EPHA5: variants seen among roughly 807,000 people sequenced by gnomAD.
EPHA5 encodes ephrin type-A receptor 5.
Under a neutral mutation model 105.0 loss-of-function variants are expected in EPHA5, and 60 were observed. The ratio of observed to expected loss-of-function variants is 0.57; its 90% confidence interval spans 0.46 to 0.71. The LOEUF (loss-of-function observed/expected upper bound fraction) is 0.71, where lower values mean the gene tolerates loss of function less well. EPHA5 is among the 30% of genes least tolerant of loss of function. The pLI is 0.00. For synonymous variants in EPHA5, 513 were observed against 449.1 expected (o/e 1.14, Z -1.80); for missense variants, 1,218 against 1,274.7 (o/e 0.96, Z 0.68).
At chr4:65,648,140 C>G (rs889699702) in intron 1 of EPHA5, among the ~76,000 whole-genome samples, 1 of 152,122 alleles carries the variant, frequency 6.6e-6, no homozygotes, top group Non-Finnish European at 1.5e-5. Flanking sequence ...GAGCAAAGAG[C>G]AAATAAATAA....
chr4:65,551,284 A>G (rs35935094), intron 3 of EPHA5, among the ~76,000 whole-genome samples: 41,846 of 94,656 alleles, frequency 0.44, 6,294 homozygotes, highest in African/African-American at 0.53. Flanking sequence ...GTGTGTGTAT[A>G]TATATATATA....
chr4:65,556,185 A>C (rs1475750663), intron 3 of EPHA5, among the ~76,000 whole-genome samples: 1 of 152,180 alleles, frequency 6.6e-6, no homozygotes, highest in Non-Finnish European at 1.5e-5. Flanking sequence ...GCATAAAGCC[A>C]ATTGGATGGT....
At chr4:65,435,964 AT>A (rs1215081901) in intron 5 of EPHA5, among the ~76,000 whole-genome samples, 1 of 152,060 alleles carries the variant, frequency 6.6e-6, no homozygotes, top group East Asian at 1.9e-4. Flanking sequence ...GATTTTAAGC[AT>A]TTATTATAAT....
At chr4:65,558,617 T>C (rs1285219194) in intron 3 of EPHA5, among the ~76,000 whole-genome samples, 1 of 152,136 alleles carries the variant, frequency 6.6e-6, no homozygotes, top group Non-Finnish European at 1.5e-5. Flanking sequence ...TATGTATACA[T>C]GTGTCATGTT....
At chr4:65,537,205 T>G (rs1445275287) in intron 3 of EPHA5, among the ~76,000 whole-genome samples, 1 of 151,826 alleles carries the variant, frequency 6.6e-6, no homozygotes, top group African/African-American at 2.4e-5. Flanking sequence ...TCCAATAGAT[T>G]CTTTGTAACT....
intron 3 of EPHA5, among the ~76,000 whole-genome samples, chr4:65,522,884 T>G (rs1300490862): frequency 6.6e-6 from 1 of 151,968 alleles, no homozygotes; most frequent in Non-Finnish European, 1.5e-5. Context: ...TATTACACGT[T>G]TTATTTTAAA....
At chr4:65,583,740 T>C (rs1021026172) in intron 3 of EPHA5, among the ~76,000 whole-genome samples, 1 of 151,728 alleles carries the variant, frequency 6.6e-6, no homozygotes, top group Non-Finnish European at 1.5e-5. Flanking sequence ...TAAAATTTGA[T>C]TTTGTTAAAA....
At chr4:65,418,303 T>C (rs1723588329) in intron 6 of EPHA5, among the ~76,000 whole-genome samples, 1 of 152,190 alleles carries the variant, frequency 6.6e-6, no homozygotes, top group Admixed American at 6.5e-5. Flanking sequence ...ACCTTAATTT[T>C]ACAAATTGTT....
chr4:65,474,507 A>G (rs1240767285), intron 5 of EPHA5, among the ~76,000 whole-genome samples: 1 of 152,198 alleles, frequency 6.6e-6, no homozygotes, highest in Non-Finnish European at 1.5e-5. Context: ...CAGGCCTTCT[A>G]GGCTTGAAGA....
intron 3 of EPHA5, among the ~76,000 whole-genome samples, chr4:65,595,742 G>A (rs548147874): frequency 1.3e-5 from 2 of 151,904 alleles, no homozygotes; most frequent in African/African-American, 2.4e-5. Flanking sequence ...CACCACGCCG[G>A]GCTAATTTTT....
intron 7 of EPHA5, among the ~76,000 whole-genome samples, chr4:65,409,555 C>T (rs74683674): frequency 0.017 from 2,530 of 152,128 alleles, 60 homozygotes; most frequent in African/African-American, 0.057. Flanking sequence ...TGTGGATATT[C>T]TCTAGACTTT....
intron 11 of EPHA5, among the ~76,000 whole-genome samples, chr4:65,356,345 C>T (rs1723294409): frequency 6.6e-6 from 1 of 151,422 alleles, no homozygotes; most frequent in African/African-American, 2.4e-5. Context: ...AGATGGAATT[C>T]TCATATAAAA....
At chr4:65,655,711 T>A (rs1053293313) in intron 1 of EPHA5, among the ~76,000 whole-genome samples, 26 of 152,090 alleles carry the variant, frequency 1.7e-4, no homozygotes, top group African/African-American at 6.0e-4. Context: ...AAGTATAGAT[T>A]TCCAAAGAAT....
intron 2 of EPHA5, among the ~76,000 whole-genome samples, chr4:65,628,769 A>G (rs1462888770): frequency 6.6e-6 from 1 of 152,182 alleles, no homozygotes; most frequent in African/African-American, 2.4e-5. Context: ...ATCTTGAATT[A>G]TTTGAATAAT....
At chr4:65,621,677 T>G (rs1288733731) in intron 2 of EPHA5, among the ~76,000 whole-genome samples, 1 of 152,104 alleles carries the variant, frequency 6.6e-6, no homozygotes, top group East Asian at 1.9e-4. Context: ...AGAAATATAG[T>G]CAGGTGCCCA....
chr4:65,516,489 TC>T (rs753288719), intron 3 of EPHA5, among the ~76,000 whole-genome samples: 54 of 152,064 alleles, frequency 3.6e-4, no homozygotes, highest in Admixed American at 1.9e-3. Flanking sequence ...CAGTAGAAGC[TC>T]CAAGTATAAA....
chr4:65,472,542 C>T (rs141426317), intron 5 of EPHA5, among the ~76,000 whole-genome samples: 1 of 152,306 alleles, frequency 6.6e-6, no homozygotes, highest in Non-Finnish European at 1.5e-5. Flanking sequence ...GTTCCCAAAC[C>T]TCAATTCTTG....
chr4:65,568,459 A>T (rs527579545), intron 3 of EPHA5, among the ~76,000 whole-genome samples: 1 of 151,530 alleles, frequency 6.6e-6, no homozygotes, highest in African/African-American at 2.4e-5. Flanking sequence ...TATTTGGACT[A>T]TAATTTGATT....
intron 2 of EPHA5, among the ~76,000 whole-genome samples, chr4:65,632,081 C>G (rs927777097): frequency 6.6e-6 from 1 of 151,806 alleles, no homozygotes. Flanking sequence ...CAACCTTGTA[C>G]AGTAGGTAGT....
Sources: gnomAD v4.1 joint callset for allele counts (sites outside exome capture counted in the v4.1 genomes callset) on GRCh38, gnomAD v4.1.1 for gene constraint, MANE v1.5 for transcripts, NCBI Gene and HGNC (gene_info 2026-07-23, HGNC 2026-07-21) for gene names.